The following WDPCP variants were observed in gnomAD, a reference collection of about 807,000 sequenced individuals.
The protein encoded by WDPCP is WD repeat containing planar cell polarity effector, also known as WD repeat-containing and planar cell polarity effector protein fritz homolog.
WDPCP carries 71 observed loss-of-function variants against 93.1 expected under a neutral mutation model. That is an observed-to-expected ratio of 0.76 (90% CI 0.63 to 0.93). The LOEUF (loss-of-function observed/expected upper bound fraction) is 0.93, where lower values mean the gene tolerates loss of function less well. WDPCP is among the 40% of genes least tolerant of loss of function. The pLI, the probability that WDPCP is intolerant of heterozygous loss-of-function variation, is 0.00. For synonymous variants in WDPCP, 315 were observed against 315.0 expected (o/e 1.00, Z 0.00); for missense variants, 844 against 887.4 (o/e 0.95, Z 0.62).
intron 13 of WDPCP, among the ~76,000 whole-genome samples, chr2:63,298,311 G>C (rs1685033252): frequency 6.6e-6 from 1 of 151,904 alleles, no homozygotes; most frequent in Non-Finnish European, 1.5e-5. Context: ...CATCTGTGAT[G>C]GTTAATATTG....
At chr2:63,751,293 T>A (rs567083645) in intron 2 of WDPCP, among the ~76,000 whole-genome samples, 22 of 152,314 alleles carry the variant, frequency 1.4e-4, no homozygotes, top group African/African-American at 4.6e-4. Flanking sequence ...GTAGAGTTTA[T>A]AGTGATAACC....
At chr2:63,260,723 T>C (rs2104781106) in intron 13 of WDPCP, among the ~76,000 whole-genome samples, 1 of 152,292 alleles carries the variant, frequency 6.6e-6, no homozygotes, top group South Asian at 2.1e-4. Context: ...CTAGCTTTTG[T>C]ATTTTTAGTA....
intron 12 of WDPCP, among the ~76,000 whole-genome samples, chr2:63,351,578 T>C (rs1393990943): frequency 2.0e-5 from 3 of 152,162 alleles, no homozygotes; most frequent in East Asian, 1.9e-4. Flanking sequence ...TTCAGCTGCA[T>C]CCACACTGCT....
chr2:63,382,039 G>A lies in WDPCP; in HGVS notation c.1491C>T (p.His497=). ...GLIDIIFQYI[H]CDEIYEAINI... ...TTATTGCCTCATAGATCTCATCACA[G>A]TGAATGTACTGGAAGATGATGTCTA... Residue 497 remains histidine (H), a synonymous_variant, in exon 11 of 18, where the codon CAC becomes CAT. Transcript: ENST00000272321. 1.9e-6 allele frequency: 3 copies of A among 1,613,364 alleles called. No individual in the cohort carries two copies. In the South Asian group the frequency reaches 3.3e-5, roughly 18 times the overall value.
intron 14 of WDPCP, among the ~76,000 whole-genome samples, chr2:63,186,762 T>G (rs1674665896): frequency 6.6e-6 from 1 of 151,944 alleles, no homozygotes; most frequent in Non-Finnish European, 1.5e-5. Flanking sequence ...GTGCTCCTTC[T>G]TGAATAAAAG....
At chr2:63,140,615 G>C (rs560767487) in intron 17 of WDPCP, among the ~76,000 whole-genome samples, 75 of 150,378 alleles carry the variant, frequency 5.0e-4, no homozygotes, top group African/African-American at 1.8e-3. Flanking sequence ...TTCTCCACTT[G>C]GTTGCTGTTG....
Position 63,404,417 on chromosome 2 carries a change from A to T in WDPCP, c.1066T>A (p.Cys356Ser). Reference sequence around the variant, plus strand: ...TAAAGAATTAGCGAAGAATCTTCACAGCCCAGAATCAGTTTGTCTTCAGTA... The same window carrying T: ...TAAAGAATTAGCGAAGAATCTTCACTGCCCAGAATCAGTTTGTCTTCAGTA... ...NVTEDKLILGCEDSSLILYET... is the reference protein window; with the variant it reads ...NVTEDKLILGSEDSSLILYET... Residue 356 changes from cysteine (C) to serine (S), a missense_variant, in exon 10 of 18, where the codon TGT (cysteine) becomes AGT (serine). Coordinates refer to ENST00000272321, the MANE Select transcript of WDPCP (RefSeq NM_015910.7). 22 of 1,614,198 alleles carry T rather than the reference A, an allele frequency of 1.4e-5. No individual in the cohort carries two copies. Among genetic ancestry groups the T allele is most frequent in the Non-Finnish European group, 1.9e-5 (22 of 1,180,016 alleles).
intron 2 of WDPCP, among the ~76,000 whole-genome samples, chr2:63,660,865 A>C (rs185354810): frequency 4.5e-4 from 69 of 152,354 alleles, no homozygotes; most frequent in Admixed American, 1.3e-3. Flanking sequence ...TAAAGTATAA[A>C]TTATTATTGC....
At chr2:63,657,002 C>T (rs1243236052) in intron 2 of WDPCP, among the ~76,000 whole-genome samples, 4 of 151,992 alleles carry the variant, frequency 2.6e-5, no homozygotes, top group African/African-American at 9.7e-5. Context: ...TTGAAGCATG[C>T]TTCACAAAGT....
chr2:63,547,877 AG>A (rs1705272715), intron 1 of WDPCP, among the ~76,000 whole-genome samples: 1 of 152,168 alleles, frequency 6.6e-6, no homozygotes, highest in South Asian at 2.1e-4. Flanking sequence ...ACAGATCAGT[AG>A]AATGACTATA....
chr2:63,570,083 A>C (rs965091992), intron 1 of WDPCP, among the ~76,000 whole-genome samples: 2 of 152,206 alleles, frequency 1.3e-5, no homozygotes, highest in African/African-American at 2.4e-5. Context: ...GCTGAGACTA[A>C]AATCACAACT....
At chr2:63,646,643 C>T (rs888862623) in intron 3 of WDPCP, among the ~76,000 whole-genome samples, 5 of 152,044 alleles carry the variant, frequency 3.3e-5, no homozygotes, top group South Asian at 2.1e-4. Flanking sequence ...TTTAATTTCT[C>T]CTTCATGTTT....
At chr2:63,367,499 A>G (rs1691008815) in intron 12 of WDPCP, among the ~76,000 whole-genome samples, 1 of 152,156 alleles carries the variant, frequency 6.6e-6, no homozygotes, top group Non-Finnish European at 1.5e-5. Flanking sequence ...AATGTTTTAT[A>G]CACACACAAA....
intron 2 of WDPCP, among the ~76,000 whole-genome samples, chr2:63,804,997 C>T (rs1047768234): frequency 2.0e-5 from 3 of 151,920 alleles, no homozygotes; most frequent in African/African-American, 7.3e-5. Flanking sequence ...CCCTGTACTC[C>T]AGCCTGGATG....
At chr2:63,728,540 TA>T (rs1354998261) in intron 2 of WDPCP, among the ~76,000 whole-genome samples, 1 of 152,204 alleles carries the variant, frequency 6.6e-6, no homozygotes, top group African/African-American at 2.4e-5. Context: ...TGATACTTTT[TA>T]AAAGTAATGT....
intron 3 of WDPCP, among the ~76,000 whole-genome samples, chr2:63,619,584 A>G (rs1709710467): frequency 6.6e-6 from 1 of 152,126 alleles, no homozygotes; most frequent in Non-Finnish European, 1.5e-5. Context: ...AGCACCTGAA[A>G]AAAAGGATCT....
chr2:63,740,698 T>C (rs1669700192), intron 2 of WDPCP, among the ~76,000 whole-genome samples: 1 of 152,180 alleles, frequency 6.6e-6, no homozygotes, highest in African/African-American at 2.4e-5. Context: ...AGTTGTTATT[T>C]GTAGCAACTC....
chr2:63,639,540 C>T (rs980444317), intron 3 of WDPCP, among the ~76,000 whole-genome samples: 1 of 152,130 alleles, frequency 6.6e-6, no homozygotes, highest in Non-Finnish European at 1.5e-5. Flanking sequence ...ATAACAGACC[C>T]ATTCTTATGT....
chr2:63,797,580 GAGACTTGGTCTCAAAAAAATAAAGA>G (rs1670635215), intron 2 of WDPCP, among the ~76,000 whole-genome samples: 2 of 150,812 alleles, frequency 1.3e-5, no homozygotes, highest in African/African-American at 4.9e-5. Context: ...TCAGTGTTTT[GAGACTTGGTCTCAAAAAAATAAAGA>G]AAAAGAAAAA....
Sources: gnomAD v4.1 joint callset for allele counts (sites outside exome capture counted in the v4.1 genomes callset) on GRCh38, gnomAD v4.1.1 for gene constraint, MANE v1.5 for transcripts, NCBI Gene and HGNC (gene_info 2026-07-23, HGNC 2026-07-21) for gene names.